SPATA9: variants seen among roughly 807,000 people sequenced by gnomAD.
SPATA9 encodes the protein spermatogenesis associated 9, also known as spermatogenesis-associated protein 9.
In SPATA9, 27 loss-of-function variants were observed where a neutral mutation model predicts 25.5. The ratio of observed to expected loss-of-function variants is 1.06; its 90% CI spans 0.78 to 1.46. The LOEUF is 1.46. Among genes scored for constraint, SPATA9 ranks in the 40% most tolerant of loss-of-function variants. The pLI, the probability that SPATA9 is intolerant of heterozygous loss-of-function variation, is 0.00. For synonymous variants in SPATA9, 102 were observed against 105.7 expected (o/e 0.97, Z 0.21); for missense variants, 282 against 297.5 (o/e 0.95, Z 0.38).
At chr5:95,692,633 C>T (rs1300838915) in intron 1 of SPATA9, among the ~76,000 whole-genome samples, 3 of 152,006 alleles carry the variant, frequency 2.0e-5, no homozygotes, top group Non-Finnish European at 4.4e-5. Flanking sequence ...ATATGCCTTT[C>T]ACTATATCCC....
the SPATA9 span, among the ~76,000 whole-genome samples, chr5:95,719,485 G>A: frequency 6.6e-6 from 1 of 152,162 alleles, no homozygotes; most frequent in Non-Finnish European, 1.5e-5. Context: ...AGGTTAAACT[G>A]GCTCTAAAAT....
intron 4 of SPATA9, 97 bp from the exon 5 acceptor site, chr5:95,659,010 A>C: frequency 7.1e-7 from 1 of 1,418,170 alleles, no homozygotes; most frequent in Non-Finnish European, 9.4e-7. Flanking sequence ...AAAGTCATTT[A>C]ATCTACATAA....
intron 3 of SPATA9, chr5:95,670,459 G>A (rs1752266233): frequency 6.6e-6 from 1 of 152,206 alleles, no homozygotes; most frequent in African/African-American, 2.4e-5. Flanking sequence ...CCACAAAACA[G>A]TGACCAGACA....
chr5:95,701,389 T>C (rs1754176924), upstream of SPATA9: 1 of 151,960 alleles, frequency 6.6e-6, no homozygotes, highest in African/African-American at 2.4e-5. Context: ...AAGGAGAAAA[T>C]AAACTAATCC....
At position 95,698,446 on chromosome 5, in the gene SPATA9, T is replaced by C. The variant is rs191895265; in HGVS notation, n.124+142A>G. 1.8e-3 allele frequency: 279 copies of C among 152,346 alleles called. 1 individual carries two copies. Among genetic ancestry groups the C allele is most frequent in the African/African-American group, 6.5e-3 (269 of 41,560 alleles). 9.4% of individuals were successfully genotyped at this position (152,346 alleles called of 1,614,324 possible). On this transcript the variant is annotated intron_variant and non_coding_transcript_variant, in intron 1 of 2. Transcript: ENST00000379990. ...GGCAGACTCCTAGACGCTCAGGGACTAGATTGTTATCTGGCCAGAAATGCA... is the reference window on the plus strand; with the variant it reads ...GGCAGACTCCTAGACGCTCAGGGACCAGATTGTTATCTGGCCAGAAATGCA...
chr5:95,698,094 T>A (rs972880863), intron 1 of SPATA9, among the ~76,000 whole-genome samples: 5 of 152,200 alleles, frequency 3.3e-5, no homozygotes, highest in Admixed American at 6.5e-5. Flanking sequence ...TAAAACTGAT[T>A]TCTTCTTTTT....
chr5:95,707,345 C>A, the SPATA9 span, among the ~76,000 whole-genome samples: 51 of 151,462 alleles, frequency 3.4e-4, no homozygotes, highest in South Asian at 0.01. Context: ...ATTGTTGTAC[C>A]CGAGCGAGTT....
At chr5:95,678,561 C>A (rs1042118809) in intron 2 of SPATA9, among the ~76,000 whole-genome samples, 2 of 152,042 alleles carry the variant, frequency 1.3e-5, no homozygotes, top group Non-Finnish European at 2.9e-5. Context: ...AGCAAGATGG[C>A]CTTTTCGTAA....
intron 2 of SPATA9, among the ~76,000 whole-genome samples, chr5:95,681,644 T>C (rs1753470971): frequency 6.6e-6 from 1 of 152,110 alleles, no homozygotes; most frequent in African/African-American, 2.4e-5. Context: ...TCCCAAGCAA[T>C]AGTGAGGTGT....
chr5:95,718,448 A>G, the SPATA9 span, among the ~76,000 whole-genome samples: 31 of 152,316 alleles, frequency 2.0e-4, no homozygotes, highest in Non-Finnish European at 1.2e-4. Context: ...TTGTTAGCTA[A>G]TTGTGGGAAG....
At chr5:95,688,831 A>G (rs753284120) in intron 1 of SPATA9, among the ~76,000 whole-genome samples, 4 of 152,188 alleles carry the variant, frequency 2.6e-5, no homozygotes, top group Non-Finnish European at 4.4e-5. Flanking sequence ...CAACATATCC[A>G]TATAACAAAA....
exon 9 of SPATA9, chr5:95,653,075 A>G: frequency 1.3e-6 from 2 of 1,549,332 alleles, no homozygotes; most frequent in Non-Finnish European, 1.7e-6. Context: ...ATTCACCAAG[A>G]CTTTTCTTTC....
At chr5:95,674,326 A>C (rs1021240381) in intron 3 of SPATA9, among the ~76,000 whole-genome samples, 1 of 152,140 alleles carries the variant, frequency 6.6e-6, no homozygotes, top group Non-Finnish European at 1.5e-5. Flanking sequence ...GGATTCCCTC[A>C]TTCCACACCA....
chr5:95,682,599 C>A lies in SPATA9; in HGVS notation c.79G>T (p.Ala27Ser), dbSNP rs750936529. 6.2e-7 allele frequency: 1 copy of A among 1,613,366 alleles called. No individual in the cohort carries two copies. The highest frequency in any genetic ancestry group is 2.2e-5 in the East Asian group (1 of 44,858). ...AACTCATCTACAAGGTCCATGATTG[C>A]TTTCTGGATCCCCTCGACTAAGACA... ...FSGRIEGIQK[A>S]IMDLVDEFKD... Residue 27 changes from alanine to serine, a missense_variant, in exon 2 of 5, where the codon GCA becomes TCA. Transcript: ENST00000274432.
At chr5:95,670,031 C>A (rs1433075435) in intron 3 of SPATA9, among the ~76,000 whole-genome samples, 1 of 152,188 alleles carries the variant, frequency 6.6e-6, no homozygotes, top group East Asian at 1.9e-4. Context: ...TTGACCCCAA[C>A]CATCTGTGCA....
downstream of SPATA9, chr5:95,654,169 C>G: frequency 6.2e-7 from 1 of 1,612,434 alleles, no homozygotes; most frequent in Non-Finnish European, 8.5e-7. Context: ...CAGCTGTTGT[C>G]CATGATAGAG....
At chr5:95,665,884 G>A (rs1026177030) in intron 3 of SPATA9, among the ~76,000 whole-genome samples, 1 of 151,890 alleles carries the variant, frequency 6.6e-6, no homozygotes, top group Non-Finnish European at 1.5e-5. Flanking sequence ...CAGGACAATC[G>A]CTTGAATCTG....
intron 3 of SPATA9, among the ~76,000 whole-genome samples, chr5:95,671,376 C>G (rs1237043333): frequency 6.6e-6 from 1 of 152,186 alleles, no homozygotes; most frequent in East Asian, 1.9e-4. Context: ...TCCCTGGTAC[C>G]TAATCTAGTG....
At chr5:95,681,613 C>A (rs1244811509) in intron 2 of SPATA9, among the ~76,000 whole-genome samples, 1 of 152,146 alleles carries the variant, frequency 6.6e-6, no homozygotes, top group Non-Finnish European at 1.5e-5. Flanking sequence ...TCGTGTTTAT[C>A]TCTGTATTTC....
Sources: gnomAD v4.1 joint callset for allele counts (sites outside exome capture counted in the v4.1 genomes callset) on GRCh38, gnomAD v4.1.1 for gene constraint, MANE v1.5 for transcripts, NCBI Gene and HGNC (gene_info 2026-07-23, HGNC 2026-07-21) for gene names.